The following GREB1L variants were observed in gnomAD, a reference collection of about 807,000 sequenced individuals.
GREB1L encodes the protein GREB1 like retinoic acid receptor coactivator.
In GREB1L, 17 loss-of-function variants were observed where a neutral mutation model predicts 200.8. That is an observed-to-expected ratio of 0.08 (90% CI 0.06 to 0.13). The LOEUF (loss-of-function observed/expected upper bound fraction) is 0.13. Ranked by LOEUF, GREB1L falls within the 10% of genes least tolerant of loss-of-function variation. GREB1L has a pLI of 1.00. For missense variants in GREB1L, 1,657 were observed against 2,367.7 expected, an observed-to-expected ratio of 0.70 and a Z score of 6.23; for synonymous variants, 789 against 893.0, an observed-to-expected ratio of 0.88 and a Z score of 2.08.
At chr18:21,432,882 T>C (rs866242474) in intron 7 of GREB1L, among the ~76,000 whole-genome samples, 13 of 151,896 alleles carry the variant, frequency 8.6e-5, no homozygotes, top group African/African-American at 3.1e-4. Flanking sequence ...AATTTTTGTA[T>C]TTTTAGTAGG....
chr18:21,279,221 C>T (rs1200751202), intron 1 of GREB1L, among the ~76,000 whole-genome samples: 1 of 151,882 alleles, frequency 6.6e-6, no homozygotes, highest in Non-Finnish European at 1.5e-5. Flanking sequence ...TTTGCAGAAA[C>T]GTTTATTTTC....
At chr18:21,413,377 C>A (rs2031281779) in intron 7 of GREB1L, among the ~76,000 whole-genome samples, 2 of 152,172 alleles carry the variant, frequency 1.3e-5, no homozygotes, top group South Asian at 4.1e-4. Context: ...TTTGTGTCCT[C>A]CTTTGGGCAC....
intron 1 of GREB1L, among the ~76,000 whole-genome samples, chr18:21,305,579 A>G (rs2038686417): frequency 6.6e-6 from 1 of 152,036 alleles, no homozygotes; most frequent in Non-Finnish European, 1.5e-5. Context: ...AGCCATCATT[A>G]CCTGTTACTT....
chr18:21,501,430 G>C (rs1253609393), intron 23 of GREB1L, among the ~76,000 whole-genome samples: 1 of 152,026 alleles, frequency 6.6e-6, no homozygotes, highest in African/African-American at 2.4e-5. Flanking sequence ...CACCCATCCT[G>C]TGTCCATGTG....
intron 1 of GREB1L, among the ~76,000 whole-genome samples, chr18:21,245,426 G>A (rs571971970): frequency 6.6e-6 from 1 of 152,250 alleles, no homozygotes; most frequent in African/African-American, 2.4e-5. Flanking sequence ...AGAAACAAAA[G>A]AAAATTCAAT....
In GREB1L at chr18:21,523,854, G is replaced by T. The variant is rs1378310397; in HGVS notation, c.*1033G>T. The stretch of plus-strand genomic sequence containing the variant: ...GAAATTGAGCCATAGAAAGAGAAAT[G>T]TTTTTTTACTTAATCTTACCAGTGA... On this transcript the variant is annotated 3_prime_UTR_variant, in exon 33 of 33. Coordinates refer to ENST00000424526, the MANE Select transcript of GREB1L (RefSeq NM_001142966.3). 1 of 152,132 alleles carries T rather than the reference G, an allele frequency of 6.6e-6. No individual in the cohort carries two copies. 9.4% of individuals were successfully genotyped at this position (152,132 alleles called of 1,614,324 possible). A position where few individuals can be genotyped will look rare whatever the true frequency, so the allele number is the denominator to read the frequency against.
intron 1 of GREB1L, among the ~76,000 whole-genome samples, chr18:21,288,690 G>A (rs1308184991): frequency 6.6e-6 from 1 of 151,916 alleles, no homozygotes; most frequent in Non-Finnish European, 1.5e-5. Flanking sequence ...TTTACAAAAA[G>A]CAGGGAATTG....
At chr18:21,367,190 G>GA (rs1021363804) in intron 2 of GREB1L, among the ~76,000 whole-genome samples, 5 of 152,140 alleles carry the variant, frequency 3.3e-5, no homozygotes, top group African/African-American at 9.7e-5. Flanking sequence ...GGATTCTCTT[G>GA]AAAATCTGTG....
chr18:21,370,404 A>G (rs1199891177), intron 2 of GREB1L, among the ~76,000 whole-genome samples: 1 of 152,240 alleles, frequency 6.6e-6, no homozygotes, highest in Non-Finnish European at 1.5e-5. Flanking sequence ...AAAAATATGT[A>G]ATAGTTTAAT....
intron 1 of GREB1L, among the ~76,000 whole-genome samples, chr18:21,304,932 C>A (rs1454955360): frequency 6.6e-6 from 1 of 152,054 alleles, no homozygotes; most frequent in African/African-American, 2.4e-5. Flanking sequence ...TCAGAGAGGC[C>A]TTTCCTGAAC....
intron 18 of GREB1L, among the ~76,000 whole-genome samples, chr18:21,486,346 T>TC (rs1001358364): frequency 2.2e-5 from 3 of 139,520 alleles, no homozygotes; most frequent in African/African-American, 8.2e-5. Context: ...AGAGCGAGAC[T>TC]CCGTCTCAAA....
chr18:21,420,470 T>G (rs1429567201), intron 7 of GREB1L, among the ~76,000 whole-genome samples: 2 of 151,786 alleles, frequency 1.3e-5, no homozygotes, highest in Admixed American at 1.3e-4. Flanking sequence ...CTATAAAAAT[T>G]GAAAAATAAG....
chr18:21,275,703 A>C (rs2038151695), intron 1 of GREB1L, among the ~76,000 whole-genome samples: 1 of 152,176 alleles, frequency 6.6e-6, no homozygotes, highest in African/African-American at 2.4e-5. Context: ...TCTTCCAATC[A>C]ATTTTAAAAG....
intron 1 of GREB1L, among the ~76,000 whole-genome samples, chr18:21,302,096 G>A (rs2038626590): frequency 6.6e-6 from 1 of 152,142 alleles, no homozygotes; most frequent in South Asian, 2.1e-4. Flanking sequence ...TTCCTTCTCT[G>A]TTTTGTTTCT....
chr18:21,273,993 T>C (rs920737217), intron 1 of GREB1L, among the ~76,000 whole-genome samples: 2 of 152,236 alleles, frequency 1.3e-5, no homozygotes, highest in African/African-American at 4.8e-5. Context: ...GAATAAGATA[T>C]GTAAATACTG....
At chr18:21,249,909 A>T (rs951234385) in intron 1 of GREB1L, among the ~76,000 whole-genome samples, 1 of 152,194 alleles carries the variant, frequency 6.6e-6, no homozygotes, top group Non-Finnish European at 1.5e-5. Context: ...GGAGAATCAA[A>T]CAATGAACAA....
chr18:21,454,496 C>T lies in GREB1L; in HGVS notation c.2115C>T (p.Asp705=). The change falls in exon 15 of 33, where the codon GAC becomes GAT. Residue 705 remains aspartate (D), a synonymous_variant. Transcript: ENST00000424526. ...ACCTCGGTCACTTCAGCAAAGTAGA[C>T]TTCATCATCATTGTTCCCAGATCGG... ...SLDLGHFSKV[D]FIIIVPRSEV... is the part of the protein sequence containing the mutation. 6.4e-7 allele frequency: 1 copy of T among 1,551,642 alleles called. No individual in the cohort carries two copies. Among genetic ancestry groups the T allele is most frequent in the Non-Finnish European group, 8.7e-7 (1 of 1,146,942 alleles).
At chr18:21,315,390 T>C (rs535738032) in intron 1 of GREB1L, among the ~76,000 whole-genome samples, 1 of 152,298 alleles carries the variant, frequency 6.6e-6, no homozygotes, top group South Asian at 2.1e-4. Context: ...CACGCCCAGC[T>C]TAGTTTAAGA....
intron 1 of GREB1L, among the ~76,000 whole-genome samples, chr18:21,280,601 A>G (rs2038252631): frequency 6.6e-6 from 1 of 152,102 alleles, no homozygotes; most frequent in Non-Finnish European, 1.5e-5. Flanking sequence ...TTATTGTTTA[A>G]TACATATATT....
Sources: gnomAD v4.1 joint callset for allele counts (sites outside exome capture counted in the v4.1 genomes callset) on GRCh38, gnomAD v4.1.1 for gene constraint, MANE v1.5 for transcripts, NCBI Gene and HGNC (gene_info 2026-07-23, HGNC 2026-07-21) for gene names.